Variants in MIS18BP1 observed in about 807,000 individuals in gnomAD.
MIS18BP1 encodes the protein MIS18 binding protein 1.
A neutral mutation model predicts 116.1 loss-of-function variants in MIS18BP1; 72 were observed. The observed-to-expected ratio is 0.62, with a 90% CI of 0.51 to 0.75. MIS18BP1 has a LOEUF of 0.75. Among genes scored for constraint, MIS18BP1 ranks in the 30% least tolerant of loss-of-function variants. The pLI, the probability that MIS18BP1 is intolerant of heterozygous loss-of-function variation, is 0.00. For synonymous variants in MIS18BP1, 386 were observed against 427.0 expected (o/e 0.90, Z 1.18); for missense variants, 1,363 against 1,303.2 (o/e 1.05, Z -0.71).
chr14:45,231,227 T>A lies in MIS18BP1; in HGVS notation c.1508A>T (p.Lys503Ile), dbSNP rs1432319625. The change falls in exon 8 of 17, where the codon AAA becomes ATA. Residue 503 changes from lysine (K) to isoleucine (I), a missense_variant. Physicochemically the swap from Lys to Ile is moderately radical, Grantham distance 102. Coordinates refer to ENST00000310806, the MANE Select transcript of MIS18BP1 (RefSeq NM_018353.5). ...TTCTCGTGCATCATTTTTCATTGAT[T>A]TCCTTATGTCACGGACAGATCTTCC... ...KTGRSVRDIR[K>I]SMKNDARENQ... 6.2e-7 allele frequency: 1 copy of A among 1,613,974 alleles called. No individual in the cohort carries two copies. The highest frequency in any genetic ancestry group is 8.5e-7 in the Non-Finnish European group (1 of 1,179,892).
At position 45,220,099 on chromosome 14, in the gene MIS18BP1, C is replaced by T. The variant is rs1042405508; in HGVS notation, c.2670-1645G>A. Reference sequence around the variant, plus strand: ...ATTCATTCTAGCTTTCTTTATTTACCTTTCTTTTTTTTTTAAAGAGACAGG... The same window carrying T: ...ATTCATTCTAGCTTTCTTTATTTACTTTTCTTTTTTTTTTAAAGAGACAGG... On this transcript the variant is annotated intron_variant, in intron 11 of 16. Transcript: ENST00000310806. Among the ~76,000 whole-genome samples, 36 of 141,466 alleles carry T rather than the reference C, an allele frequency of 2.5e-4. 1 individual carries two copies. Among genetic ancestry groups the T allele is most frequent in the Non-Finnish European group, 4.5e-4 (30 of 67,028 alleles). The allele number at this position is 141,466 out of a possible 152,430, so 92.8% of individuals were successfully genotyped here. A position where few individuals can be genotyped will look rare whatever the true frequency, so the allele number is the denominator to read the frequency against.
intron 2 of MIS18BP1, among the ~76,000 whole-genome samples, 153 bp downstream of exon 2, chr14:45,246,590 T>TA (rs1891727134): frequency 6.6e-6 from 1 of 152,254 alleles, no homozygotes; most frequent in Admixed American, 6.5e-5. Context: ...TTTAATATGT[T>TA]AATTATGTCT....
chr14:45,238,841 G>C (rs553660298), intron 4 of MIS18BP1, among the ~76,000 whole-genome samples: 1 of 152,068 alleles, frequency 6.6e-6, no homozygotes, highest in African/African-American at 2.4e-5. Flanking sequence ...TTATAAGTAG[G>C]ATAGTTTATA....
Position 45,204,408 on chromosome 14 carries a change from A to T in MIS18BP1, c.3286T>A (p.Phe1096Ile). 1 of 1,607,154 alleles carries T rather than the reference A, an allele frequency of 6.2e-7. No homozygotes were observed. The highest frequency in any genetic ancestry group is 2.2e-5 in the East Asian group (1 of 44,598). The change falls in exon 16 of 17, where the codon TTT becomes ATT. Residue 1096 changes from phenylalanine (F) to isoleucine (I), a missense_variant. Physicochemically the swap from Phe to Ile is conservative, Grantham distance 21 (BLOSUM62 0). Coordinates refer to ENST00000310806, the MANE Select transcript of MIS18BP1 (RefSeq NM_018353.5). ...GCTGTAAGTGTATTACCTGTGTTAA[A>T]TGGGGTTTTCCTTCTTGGTGTTGGA... Reference protein sequence around the residue: ...STPTPRRKTPFNTDLGENSGI... With the variant: ...STPTPRRKTPINTDLGENSGI...
chr14:45,221,941 C>A (rs770329335), intron 11 of MIS18BP1, among the ~76,000 whole-genome samples: 9 of 152,184 alleles, frequency 5.9e-5, no homozygotes, highest in Non-Finnish European at 1.3e-4. Context: ...CAGGTGCATA[C>A]ACACTTAGGA....
At chr14:45,248,459 G>A (rs1891784131) in intron 1 of MIS18BP1, among the ~76,000 whole-genome samples, 1 of 151,918 alleles carries the variant, frequency 6.6e-6, no homozygotes, top group African/African-American at 2.4e-5. Context: ...CTAATATTTG[G>A]TAAATAAATA....
At chr14:45,209,073 CCT>C (rs1491431400) in intron 14 of MIS18BP1, among the ~76,000 whole-genome samples, 1 of 151,984 alleles carries the variant, frequency 6.6e-6, no homozygotes, top group African/African-American at 2.4e-5. Context: ...CAAAAGCCCC[CCT>C]CTCCTTCCTC....
intron 8 of MIS18BP1, among the ~76,000 whole-genome samples, chr14:45,230,414 G>A (rs1052910777): frequency 6.6e-6 from 1 of 152,096 alleles, no homozygotes; most frequent in African/African-American, 2.4e-5. Context: ...GCATTTTCTT[G>A]AATTCCATTT....
Position 45,212,957 on chromosome 14 carries a change from C to T in MIS18BP1, c.3004-2429G>A, listed in dbSNP as rs1217115301. ...GAGAGTACTTTCTTTCCTTTGCTTCCTGCTTTAAAGTGTTTTAATAAACTT... is the reference window on the plus strand; with the variant it reads ...GAGAGTACTTTCTTTCCTTTGCTTCTTGCTTTAAAGTGTTTTAATAAACTT... On this transcript the variant is annotated intron_variant, in intron 13 of 16. Transcript: ENST00000310806. Among the ~76,000 whole-genome samples, 9 of 152,336 alleles carry T rather than the reference C, an allele frequency of 5.9e-5. No individual in the cohort carries two copies. In the East Asian group the frequency reaches 1.2e-3, roughly 20 times the overall value.
chr14:45,246,171 T>C (rs1891716656), intron 2 of MIS18BP1, among the ~76,000 whole-genome samples: 1 of 152,210 alleles, frequency 6.6e-6, no homozygotes, highest in African/African-American at 2.4e-5. Flanking sequence ...GTCATTCACA[T>C]GCTCAAAACC....
chr14:45,242,039 T>A lies in MIS18BP1; in HGVS notation c.1138A>T (p.Asn380Tyr). ...FQTVTNGLKKNQVVQLQEWMI... is the reference protein window; with the variant it reads ...FQTVTNGLKKYQVVQLQEWMI... ...TGTCTTAAAAGTTTTCCCACCTGAT[T>A]TTTTTTAAGTCCATTTGTAACAGTT... The change falls in exon 4 of 17, where the codon AAT becomes TAT. Residue 380 changes from asparagine (N) to tyrosine (Y), a missense_variant. Coordinates refer to ENST00000310806, the MANE Select transcript of MIS18BP1 (RefSeq NM_018353.5). The A allele has an allele frequency of 6.3e-7, 1 of 1,594,668 alleles. No homozygotes were observed. The highest frequency in any genetic ancestry group is 8.5e-7 in the Non-Finnish European group (1 of 1,171,810).
chr14:45,242,051 C>T lies in MIS18BP1; in HGVS notation c.1126G>A (p.Gly376Arg). ...PPRIFQTVTN[G>R]LKKNQVVQLQ... ...TTTCCCACCTGATTTTTTTTAAGTC[C>T]ATTTGTAACAGTTTGAAATATTCTT... Residue 376 changes from glycine to arginine, a missense_variant, in exon 4 of 17, where the codon GGA becomes AGA. Transcript: ENST00000310806. 6.3e-7 allele frequency: 1 copy of T among 1,596,838 alleles called. No homozygotes were observed. The highest frequency in any genetic ancestry group is 8.5e-7 in the Non-Finnish European group (1 of 1,172,664).
At chr14:45,221,713 TTTC>T (rs2139176553) in intron 11 of MIS18BP1, among the ~76,000 whole-genome samples, 1 of 152,298 alleles carries the variant, frequency 6.6e-6, no homozygotes, top group South Asian at 2.1e-4. Context: ...ACCTATTCTT[TTTC>T]TTATTATTGG....
In MIS18BP1 at chr14:45,235,958, A is replaced by T. The variant is rs1173633953; in HGVS notation, c.1218-14T>A. ...TTAGTGACGTCTCTAGGAAAAAAAA[A>T]TAGTTTTGGTAAGGTCAAAATATTC... is the stretch of plus-strand genomic sequence containing the variant. On this transcript the variant is annotated splice_polypyrimidine_tract_variant and intron_variant, in intron 5 of 16. Transcript: ENST00000310806. 2 of 1,589,374 alleles carry T rather than the reference A, an allele frequency of 1.3e-6. No individual in the cohort carries two copies. Among genetic ancestry groups the T allele is most frequent in the African/African-American group, 1.4e-5 (1 of 73,518 alleles).
intron 4 of MIS18BP1, among the ~76,000 whole-genome samples, 182 bp from the exon 5 acceptor site, chr14:45,237,903 CAGAAA>C (rs1261151740): frequency 3.1e-4 from 47 of 152,166 alleles, no homozygotes; most frequent in African/African-American, 1.1e-3. Flanking sequence ...TACAATGAAA[CAGAAA>C]AGAAAAGACT....
rs184582448 is a variant in MIS18BP1, at chr14:45,213,901, T to C, written c.3003+3118A>G. ...TGTGCTGTGTTGACTCAAGGTTTAA[T>C]GGATTTAGGGCTATGCAGAATGTGC... is the stretch of plus-strand genomic sequence containing the variant. On this transcript the variant is annotated intron_variant, in intron 13 of 16. Transcript: ENST00000310806. Among the ~76,000 whole-genome samples, 194 of 152,364 alleles carry C rather than the reference T, an allele frequency of 1.3e-3. 2 individuals carry two copies. The highest frequency in any genetic ancestry group is 3.8e-3 in the Admixed American group (58 of 15,304).
At chr14:45,205,588 T>C (rs755981892) in intron 15 of MIS18BP1, among the ~76,000 whole-genome samples, 7 of 152,154 alleles carry the variant, frequency 4.6e-5, no homozygotes, top group Non-Finnish European at 7.4e-5. Flanking sequence ...TAAAAATTTT[T>C]CTGTAGTTGG....
In MIS18BP1 at chr14:45,236,685, GCTTT is replaced by G. The variant is rs556798277; in HGVS notation, c.1218-745_1218-742del. On this transcript the variant is annotated intron_variant, in intron 5 of 16. Coordinates refer to ENST00000310806, the MANE Select transcript of MIS18BP1 (RefSeq NM_018353.5). ...TATTACTTCTCTTCAATTCTCTTTT[GCTTT>G]ATTTACTTATTTAAGAAACTTTTAA... Among the ~76,000 whole-genome samples the G allele has an allele frequency of 2.9e-3, 435 of 152,150 alleles. 2 individuals are homozygous for G. Among genetic ancestry groups the G allele is most frequent in the African/African-American group, 0.01 (421 of 41,518 alleles).
chr14:45,239,261 T>C (rs533402660), intron 4 of MIS18BP1, among the ~76,000 whole-genome samples: 3 of 151,710 alleles, frequency 2.0e-5, no homozygotes, highest in Non-Finnish European at 2.9e-5. Context: ...GGGTTGGGGG[T>C]GGAGGCAAGC....
Sources: allele counts gnomAD v4.1 joint callset (sites outside exome capture counted in the v4.1 genomes callset), GRCh38; gene constraint gnomAD v4.1.1; transcripts MANE v1.5; gene names NCBI Gene and HGNC (gene_info 2026-07-23, HGNC 2026-07-21).